TSC22D1: variants seen among roughly 807,000 people sequenced by gnomAD.
TSC22D1 encodes TSC22 domain family protein 1.
Under a neutral mutation model 74.2 loss-of-function variants are expected in TSC22D1, and 9 were observed. That is an observed-to-expected ratio of 0.12 (90% CI 0.07 to 0.21). The LOEUF (loss-of-function observed/expected upper bound fraction) is 0.21, where lower values mean the gene tolerates loss of function less well. Ranked by LOEUF, TSC22D1 falls within the 10% of genes least tolerant of loss-of-function variation. The pLI, the probability that TSC22D1 is intolerant of heterozygous loss-of-function variation, is 1.00. For missense variants in TSC22D1, 1,427 were observed against 1,304.7 expected (o/e 1.09, Z -1.44); for synonymous variants, 586 against 492.5 (o/e 1.19, Z -2.51).
rs1191198140 is a variant in TSC22D1, at chr13:44,575,758, T to C, written c.317A>G (p.Lys106Arg). 1 of 1,614,174 alleles carries C rather than the reference T, an allele frequency of 6.2e-7. No homozygotes were observed. Among genetic ancestry groups the C allele is most frequent in the South Asian group, 1.1e-5 (1 of 91,076 alleles). ...AGTTATCTGGAAGCCACTTTTCTTT[T>C]TCATTTGAGTTCCGCCTGGCGCAAG... Reference protein sequence around the residue: ...QPLAPGGTQMKKKSGFQITSV... With the variant: ...QPLAPGGTQMRKKSGFQITSV... Residue 106 changes from lysine (K) to arginine (R), a missense_variant, in exon 1 of 3, where the codon AAA (lysine) becomes AGA (arginine). Physicochemically the swap from Lys to Arg is conservative, Grantham distance 26. Around this residue, in one of 3 missense-constraint regions of TSC22D1, gnomAD observed 1,343 missense variants for 1,191.5 expected, o/e 1.13. Coordinates refer to ENST00000458659, the MANE Select transcript of TSC22D1 (RefSeq NM_183422.4).
rs762358124 is a variant in TSC22D1 at position 44,575,400 on chromosome 13, C to CTGATGGTGGTGA, written c.663_674dup (p.His221_His224dup). On this transcript the variant is annotated inframe_insertion, in exon 1 of 3. Transcript: ENST00000458659. ...GTTGGAGGTGGTGCCCATGATGAAT[C>CTGATGGTGGTGA]TGATGGTGGTGATGGAGGTGGTGTG... 1.2e-6 allele frequency: 2 copies of CTGATGGTGGTGA among 1,613,832 alleles called. No homozygotes were observed. Among genetic ancestry groups the CTGATGGTGGTGA allele is most frequent in the Non-Finnish European group, 1.7e-6 (2 of 1,179,858 alleles).
intron 1 of TSC22D1, among the ~76,000 whole-genome samples, chr13:44,563,202 G>T (rs1883161469): frequency 6.6e-6 from 1 of 152,026 alleles, no homozygotes; most frequent in Admixed American, 6.6e-5. Context: ...ATGAATTTTT[G>T]GGGAAATTGG....
chr13:44,505,223 G>A (rs1291152607), intron 1 of TSC22D1, among the ~76,000 whole-genome samples: 2 of 152,108 alleles, frequency 1.3e-5, no homozygotes, highest in African/African-American at 4.8e-5. Flanking sequence ...GAAGCCAGGC[G>A]CTTGAGTCAG....
intron 1 of TSC22D1, among the ~76,000 whole-genome samples, chr13:44,450,717 T>C (rs916876206): frequency 2.6e-5 from 4 of 152,188 alleles, no homozygotes; most frequent in Non-Finnish European, 5.9e-5. Context: ...GTAAACTGGT[T>C]CTGGGGTATA....
intron 1 of TSC22D1, among the ~76,000 whole-genome samples, chr13:44,444,262 G>A (rs1181162035): frequency 1.3e-5 from 1 of 75,066 alleles, no homozygotes; most frequent in African/African-American, 5.3e-5. Context: ...CTGGGGAACA[G>A]AGCAAGACTC....
chr13:44,446,778 G>GAGGAA (rs1875684941), intron 1 of TSC22D1, among the ~76,000 whole-genome samples: 1 of 64,118 alleles, frequency 1.6e-5, no homozygotes, highest in Non-Finnish European at 3.4e-5. Flanking sequence ...AGGAAGAAGA[G>GAGGAA]GAAGAAGAGG....
Position 44,574,220 on chromosome 13 carries a change from G to A in TSC22D1, c.1855C>T (p.Pro619Ser). Residue 619 changes from proline (P) to serine (S), a missense_variant, in exon 1 of 3, where the codon CCA (proline) becomes TCA (serine). Pro to Ser is a moderately conservative substitution (Grantham distance 74). Coordinates refer to ENST00000458659, the MANE Select transcript of TSC22D1 (RefSeq NM_183422.4). ...AACTGTTGGGGTGGTGGTGCCCCTG[G>A]AAGGGGAGTTTGCACTGGAGGAGCC... is the stretch of plus-strand genomic sequence containing the variant. Reference protein sequence around the residue: ...QAAPPVQTPLPGAPPPQQLQY... With the variant: ...QAAPPVQTPLSGAPPPQQLQY... 6.2e-7 allele frequency: 1 copy of A among 1,614,248 alleles called. No individual in the cohort carries two copies. The highest frequency in any genetic ancestry group is 8.5e-7 in the Non-Finnish European group (1 of 1,180,040).
In TSC22D1 at chr13:44,575,376, T is replaced by C. The variant is rs1884143801; in HGVS notation, c.699A>G (p.Gln233=). The C allele has an allele frequency of 3.7e-6, 6 of 1,613,918 alleles. No individual in the cohort carries two copies. The highest frequency in any genetic ancestry group is 1.1e-5 in the South Asian group (1 of 91,080). ...HHQIHHGHHL[Q]HGHHHPSHVA... ...CATGAGATGGATGGTGGTGACCATG[T>C]TGGAGGTGGTGCCCATGATGAATCT... The change falls in exon 1 of 3, where the codon CAA becomes CAG. Residue 233 remains glutamine, a synonymous_variant. Transcript: ENST00000458659.
chr13:44,437,039 G>A, intron 1 of TSC22D1: 1 of 981,536 alleles, frequency 1.0e-6, no homozygotes, highest in Non-Finnish European at 1.2e-6. Context: ...GGCTGGCCTG[G>A]CGCGGGCCGT....
rs78415084 is a variant in TSC22D1, at chr13:44,575,808, C to A, written c.267G>T (p.Ser89=). ...GAGGCTGTGCCTGCAGCTGAGCCTG[C>A]GAAAGGAGGTTCAGGCTTTGTGGAG... is the stretch of plus-strand genomic sequence containing the variant. ...PPPPQSLNLL[S]QAQLQAQPLA... is the part of the protein sequence containing the mutation. The change falls in exon 1 of 3, where the codon TCG becomes TCT. Residue 89 remains serine, a synonymous_variant. Coordinates refer to ENST00000458659, the MANE Select transcript of TSC22D1 (RefSeq NM_183422.4). 24 of 1,613,490 alleles carry A rather than the reference C, an allele frequency of 1.5e-5. No individual in the cohort carries two copies. In the Admixed American group the frequency reaches 1.5e-4, roughly 10 times the overall value.
chr13:44,453,096 T>C (rs983438665), intron 1 of TSC22D1, among the ~76,000 whole-genome samples: 1 of 152,216 alleles, frequency 6.6e-6, no homozygotes, highest in African/African-American at 2.4e-5. Context: ...TTTTAAGCAT[T>C]GATTTAAAAG....
intron 1 of TSC22D1, among the ~76,000 whole-genome samples, chr13:44,527,446 G>A (rs1880601422): frequency 6.6e-6 from 1 of 152,070 alleles, no homozygotes; most frequent in Admixed American, 6.5e-5. Context: ...CCATAAAACA[G>A]TTTTAATGTT....
rs981263236 is a variant in TSC22D1, at chr13:44,455,182, C to T, written c.2913-19087G>A. 3.9e-5 allele frequency among the ~76,000 whole-genome samples: 6 copies of T among 152,096 alleles called. No individual in the cohort carries two copies. In the East Asian group the frequency reaches 9.6e-4, roughly 24 times the overall value. On this transcript the variant is annotated intron_variant, in intron 1 of 2. Coordinates refer to ENST00000458659, the MANE Select transcript of TSC22D1 (RefSeq NM_183422.4). The stretch of plus-strand genomic sequence containing the variant: ...AAGATCAGAGAGGATGAAATTTTAG[C>T]TAGCTTTCAAAGAAGGACTCCCTGA...
At chr13:44,537,172 T>A in intron 1 of TSC22D1, 2 of 878,350 alleles carry the variant, frequency 2.3e-6, no homozygotes, top group Non-Finnish European at 2.7e-6. Context: ...CAATTAGTCA[T>A]TCTAGAAAAA....
At chr13:44,510,053 A>G (rs998086353) in intron 1 of TSC22D1, among the ~76,000 whole-genome samples, 8 of 151,262 alleles carry the variant, frequency 5.3e-5, no homozygotes, top group African/African-American at 1.9e-4. Context: ...GGCCCTTTGG[A>G]AAAGGAACTT....
rs149385990 is a variant in TSC22D1 at position 44,453,697 on chromosome 13, G to C, written c.2913-17602C>G. Among the ~76,000 whole-genome samples, 8 of 152,248 alleles carry C rather than the reference G, an allele frequency of 5.3e-5. No individual in the cohort carries two copies. The East Asian group carries it at 1.5e-3, about 29-fold the overall frequency. On this transcript the variant is annotated intron_variant, in intron 1 of 2. Transcript: ENST00000458659. ...TTTCTAGACACCCCAGAAATACGCA[G>C]TTCAATTAATTTAGTAAAAAACTGA...
chr13:44,569,418 A>G (rs1191791749), intron 1 of TSC22D1, among the ~76,000 whole-genome samples: 1 of 151,268 alleles, frequency 6.6e-6, no homozygotes, highest in Non-Finnish European at 1.5e-5. Context: ...TAGGAAAGGA[A>G]AACTGGAAAG....
intron 1 of TSC22D1, among the ~76,000 whole-genome samples, chr13:44,519,567 G>C (rs1001936499): frequency 6.6e-6 from 1 of 151,958 alleles, no homozygotes; most frequent in Admixed American, 6.6e-5. Context: ...AGTGGTCAAA[G>C]GTAAGACTGG....
intron 1 of TSC22D1, among the ~76,000 whole-genome samples, chr13:44,472,173 C>A (rs1877642333): frequency 6.6e-6 from 1 of 152,148 alleles, no homozygotes; most frequent in Non-Finnish European, 1.5e-5. Flanking sequence ...AGGGAAAAAA[C>A]ATACTGAATA....
Sources: gnomAD v4.1 joint callset for allele counts (sites outside exome capture counted in the v4.1 genomes callset) on GRCh38, gnomAD v4.1.1 for gene constraint, gnomAD v4.1.1 regional missense constraint, MANE v1.5 for transcripts, NCBI Gene and HGNC (gene_info 2026-07-23, HGNC 2026-07-21) for gene names.